The following GLRA3 variants were observed in gnomAD, a reference collection of about 807,000 sequenced individuals.
The protein encoded by GLRA3 is glycine receptor subunit alpha-3.
A neutral mutation model predicts 60.4 loss-of-function variants in GLRA3; 44 were observed. The observed-to-expected ratio is 0.73, with a 90% CI of 0.57 to 0.94. The LOEUF (loss-of-function observed/expected upper bound fraction) is 0.94, where lower values mean the gene tolerates loss of function less well. Ranked by LOEUF, GLRA3 falls within the 40% of genes least tolerant of loss-of-function variation. The pLI, the probability that GLRA3 is intolerant of heterozygous loss-of-function variation, is 0.00. For synonymous variants in GLRA3, 223 were observed against 192.9 expected (o/e 1.16, Z -1.29); for missense variants, 508 against 564.6 (o/e 0.90, Z 1.02).
At position 174,788,796 on chromosome 4, in the gene GLRA3, G is replaced by A. The variant is rs1739219169; in HGVS notation, c.199+20C>T. On this transcript the variant is annotated intron_variant, in intron 2 of 9. Transcript: ENST00000274093. Reference sequence around the variant, plus strand: ...AGTATATTTAAAACACACATATAAAGTAGCAAACAGAACAATTACCTTTAA... The same window carrying A: ...AGTATATTTAAAACACACATATAAAATAGCAAACAGAACAATTACCTTTAA... 1 of 1,556,794 alleles carries A rather than the reference G, an allele frequency of 6.4e-7. No individual in the cohort carries two copies.
At chr4:174,772,321 G>A (rs1738422746) in intron 2 of GLRA3, among the ~76,000 whole-genome samples, 1 of 152,036 alleles carries the variant, frequency 6.6e-6, no homozygotes, top group Non-Finnish European at 1.5e-5. Context: ...AAGTTGCCTG[G>A]CTTCAAAACC....
At chr4:174,769,030 T>C (rs891135342) in intron 2 of GLRA3, among the ~76,000 whole-genome samples, 30 of 152,102 alleles carry the variant, frequency 2.0e-4, no homozygotes, top group Admixed American at 1.6e-3. Flanking sequence ...AGTAAATTGA[T>C]CTTACAAGGT....
intron 1 of GLRA3, among the ~76,000 whole-genome samples, chr4:174,816,027 G>A (rs1358129950): frequency 6.6e-6 from 1 of 152,162 alleles, no homozygotes; most frequent in Non-Finnish European, 1.5e-5. Flanking sequence ...GGGAATTCAA[G>A]ATGAGATTTG....
intron 1 of GLRA3, among the ~76,000 whole-genome samples, chr4:174,808,900 G>A (rs1319708458): frequency 6.6e-6 from 1 of 152,108 alleles, no homozygotes; most frequent in Admixed American, 6.6e-5. Context: ...TGTTATCAAA[G>A]AGTCAAAAAT....
At chr4:174,713,801 T>A (rs1735809136) in intron 5 of GLRA3, 1 of 152,226 alleles carries the variant, frequency 6.6e-6, no homozygotes, top group South Asian at 2.1e-4. Context: ...AGCTATTTCA[T>A]CTGATTCTTG....
intron 5 of GLRA3, among the ~76,000 whole-genome samples, chr4:174,702,425 T>C (rs1036679248): frequency 2.0e-5 from 3 of 152,218 alleles, no homozygotes; most frequent in African/African-American, 7.2e-5. Context: ...ATGTAACTGC[T>C]TTACTGTCAT....
intron 7 of GLRA3, among the ~76,000 whole-genome samples, chr4:174,675,357 CTG>C (rs1734077366): frequency 5.3e-5 from 8 of 152,068 alleles, no homozygotes; most frequent in Admixed American, 5.2e-4. Context: ...TGCCTCCATT[CTG>C]TGTTTTTAAT....
intron 1 of GLRA3, among the ~76,000 whole-genome samples, chr4:174,789,512 G>A (rs1267322665): frequency 5.9e-5 from 9 of 151,974 alleles, no homozygotes; most frequent in East Asian, 5.8e-4. Context: ...AATACCTTTC[G>A]TTCAGATCTA....
At chr4:174,772,728 A>G (rs138083223) in intron 2 of GLRA3, among the ~76,000 whole-genome samples, 2 of 152,308 alleles carry the variant, frequency 1.3e-5, no homozygotes, top group East Asian at 3.9e-4. Context: ...TTGGAGCCAT[A>G]ACAGATTCTT....
intron 1 of GLRA3, among the ~76,000 whole-genome samples, chr4:174,821,777 C>T (rs1001940847): frequency 1.1e-4 from 16 of 152,058 alleles, no homozygotes; most frequent in Non-Finnish European, 1.5e-5. Context: ...CTAGATGCTG[C>T]CAATTTGTAT....
At chr4:174,814,746 G>A (rs897453975) in intron 1 of GLRA3, among the ~76,000 whole-genome samples, 3 of 152,100 alleles carry the variant, frequency 2.0e-5, no homozygotes, top group African/African-American at 7.2e-5. Flanking sequence ...CACAAGAACA[G>A]CATGGGAAAG....
At chr4:174,794,926 G>A (rs1344887460) in intron 1 of GLRA3, among the ~76,000 whole-genome samples, 2 of 151,900 alleles carry the variant, frequency 1.3e-5, no homozygotes, top group African/African-American at 2.4e-5. Context: ...TATGAGTAGT[G>A]GCTCATTCAT....
At chr4:174,773,340 T>A (rs776988109) in intron 2 of GLRA3, among the ~76,000 whole-genome samples, 5 of 151,480 alleles carry the variant, frequency 3.3e-5, no homozygotes, top group Non-Finnish European at 7.4e-5. Context: ...AAATAGAAGA[T>A]GGCCCTTAAG....
chr4:174,807,629 T>C (rs1322317422), intron 1 of GLRA3, among the ~76,000 whole-genome samples: 2 of 152,094 alleles, frequency 1.3e-5, no homozygotes, highest in African/African-American at 4.8e-5. Context: ...AAGAGAAGAT[T>C]CTGAAAGATT....
At chr4:174,763,383 G>C (rs1422084808) in intron 3 of GLRA3, among the ~76,000 whole-genome samples, 1 of 152,042 alleles carries the variant, frequency 6.6e-6, no homozygotes, top group Non-Finnish European at 1.5e-5. Context: ...GGAAGAACTT[G>C]TCTAGGCCAA....
At chr4:174,818,008 A>G (rs1740579690) in intron 1 of GLRA3, among the ~76,000 whole-genome samples, 1 of 151,760 alleles carries the variant, frequency 6.6e-6, no homozygotes, top group Admixed American at 6.6e-5. Context: ...GTTAGTTTTT[A>G]AAAATTGTAG....
intron 5 of GLRA3, among the ~76,000 whole-genome samples, chr4:174,694,084 A>T (rs574785566): frequency 6.6e-6 from 1 of 152,320 alleles, no homozygotes; most frequent in South Asian, 2.1e-4. Flanking sequence ...TGAGATTCAT[A>T]AAGCAAGTTC....
In GLRA3 at chr4:174,643,831, G is replaced by A; in HGVS notation, c.1350C>T (p.Ile450=). ...FLIFNIFYWV[I]YKILRHEDIH... is the part of the protein sequence containing the mutation. ...TATCCTCATGCCTAAGAATTTTATA[G>A]ATAACCCAGTAGAAAATATTAAAAA... Residue 450 remains isoleucine (I), a synonymous_variant, in exon 10 of 10, where the codon ATC becomes ATT. Transcript: ENST00000274093. 1 of 1,613,712 alleles carries A rather than the reference G, an allele frequency of 6.2e-7. No individual in the cohort carries two copies.
At chr4:174,795,855 T>C (rs1739544939) in intron 1 of GLRA3, among the ~76,000 whole-genome samples, 1 of 152,192 alleles carries the variant, frequency 6.6e-6, no homozygotes, top group Non-Finnish European at 1.5e-5. Flanking sequence ...GATAATGAAG[T>C]AAATGATCCG....
Sources: gnomAD v4.1 joint callset for allele counts (sites outside exome capture counted in the v4.1 genomes callset) on GRCh38, gnomAD v4.1.1 for gene constraint, MANE v1.5 for transcripts, NCBI Gene and HGNC (gene_info 2026-07-23, HGNC 2026-07-21) for gene names.